COL25A1: variants seen among roughly 807,000 people sequenced by gnomAD.
COL25A1 encodes collagen alpha-1(XXV) chain.
In COL25A1, 103 loss-of-function variants were observed where a neutral mutation model predicts 128.4. The ratio of observed to expected loss-of-function variants is 0.80; its 90% CI spans 0.68 to 0.94. The LOEUF (loss-of-function observed/expected upper bound fraction) is 0.94, where lower values mean the gene tolerates loss of function less well. COL25A1 is among the 40% of genes least tolerant of loss of function. COL25A1 has a pLI of 0.00. For synonymous variants in COL25A1, 279 were observed against 277.2 expected, an observed-to-expected ratio of 1.01 and a Z score of -0.06; for missense variants, 745 against 840.0, an observed-to-expected ratio of 0.89 and a Z score of 1.40.
chr4:108,993,017 C>T (rs1355954900), intron 6 of COL25A1, among the ~76,000 whole-genome samples: 1 of 152,140 alleles, frequency 6.6e-6, no homozygotes, highest in Non-Finnish European at 1.5e-5. Context: ...CATTACCTGA[C>T]ATGGTTATCA....
chr4:109,208,745 T>A (rs1777243485), intron 3 of COL25A1, among the ~76,000 whole-genome samples: 1 of 152,154 alleles, frequency 6.6e-6, no homozygotes, highest in South Asian at 2.1e-4. Context: ...CTTTCCTATA[T>A]CTTACCAAGT....
At position 108,818,039 on chromosome 4, in the gene COL25A1, T is replaced by A. The variant is rs1731415642; in HGVS notation, c.1924-604A>T. Among the ~76,000 whole-genome samples the A allele has an allele frequency of 1.3e-5, 2 of 152,134 alleles. 1 individual carries two copies. The highest frequency in any genetic ancestry group is 1.3e-4 in the Admixed American group (2 of 15,254). Reference sequence around the variant, plus strand: ...GCATTTATCGATTTCTCTATTTAAATTATTCAAAAGTTAACAAATTCTGAA... The same window carrying A: ...GCATTTATCGATTTCTCTATTTAAAATATTCAAAAGTTAACAAATTCTGAA... On this transcript the variant is annotated intron_variant, in intron 36 of 37. Coordinates refer to ENST00000399132, the MANE Select transcript of COL25A1 (RefSeq NM_198721.4).
At chr4:109,154,911 G>A (rs1237706625) in intron 3 of COL25A1, among the ~76,000 whole-genome samples, 2 of 152,078 alleles carry the variant, frequency 1.3e-5, no homozygotes, top group African/African-American at 4.8e-5. Flanking sequence ...AGAAGGGCTT[G>A]GCAAATATAT....
chr4:108,825,204 C>G lies in COL25A1; in HGVS notation c.1783G>C (p.Gly595Arg), dbSNP rs1436628717. 1 of 1,610,814 alleles carries G rather than the reference C, an allele frequency of 6.2e-7. No individual in the cohort carries two copies. Among genetic ancestry groups the G allele is most frequent in the Non-Finnish European group, 8.5e-7 (1 of 1,177,310 alleles). Residue 595 changes from glycine to arginine, a missense_variant, in exon 34 of 38, where the codon GGT becomes CGT. Physicochemically the swap from Gly to Arg is moderately radical, Grantham distance 125. Transcript: ENST00000399132. ...TTGTACTTATTACTTACATCAAGAC[C>G]AGGCTCTCCATCTTTCCCCTGCCAA... is the stretch of plus-strand genomic sequence containing the variant. The part of the protein sequence containing the change: ...YGLPGKDGEP[G>R]LDGFPGPRGE...
intron 3 of COL25A1, among the ~76,000 whole-genome samples, chr4:109,159,815 GAAGA>G (rs1254775632): frequency 2.0e-5 from 3 of 152,138 alleles, no homozygotes; most frequent in African/African-American, 4.8e-5. Context: ...CACAGAAACA[GAAGA>G]AATATTCGTG....
At chr4:109,212,007 TC>T (rs1208798540) in intron 3 of COL25A1, among the ~76,000 whole-genome samples, 1 of 152,110 alleles carries the variant, frequency 6.6e-6, no homozygotes, top group Non-Finnish European at 1.5e-5. Context: ...AGTCTCAGTT[TC>T]CTCATCTATA....
chr4:109,208,318 C>A (rs1338442228), intron 3 of COL25A1, among the ~76,000 whole-genome samples: 1 of 152,122 alleles, frequency 6.6e-6, no homozygotes, highest in Non-Finnish European at 1.5e-5. Flanking sequence ...CATATTCTTT[C>A]CATCCACTTT....
In COL25A1 at chr4:108,852,934, A is replaced by T. The variant is rs1735965392; in HGVS notation, c.1321-9T>A. 1 of 1,608,038 alleles carries T rather than the reference A, an allele frequency of 6.2e-7. No individual in the cohort carries two copies. The highest frequency in any genetic ancestry group is 1.3e-5 in the African/African-American group (1 of 74,736). ...GTTAAGGTGGTAATCCTCTGTTGGG[A>T]AAATGTGTTGACAAAGACAGAGTTA... On this transcript the variant is annotated splice_polypyrimidine_tract_variant and intron_variant, in intron 24 of 37. Transcript: ENST00000399132.
intron 6 of COL25A1, among the ~76,000 whole-genome samples, chr4:108,984,462 C>G (rs1263069499): frequency 2.0e-5 from 3 of 152,082 alleles, no homozygotes; most frequent in African/African-American, 7.2e-5. Context: ...TGGGGAGGCT[C>G]CCGCCGCACA....
chr4:109,237,079 C>T (rs913225720), intron 3 of COL25A1, among the ~76,000 whole-genome samples: 2 of 151,924 alleles, frequency 1.3e-5, no homozygotes, highest in Non-Finnish European at 1.5e-5. Flanking sequence ...GTTGAACATG[C>T]TAAAAAGCCA....
Position 108,858,909 on chromosome 4 carries a change from C to T in COL25A1, c.1320+747G>A, listed in dbSNP as rs147936385. Among the ~76,000 whole-genome samples, 57 of 151,970 alleles carry T rather than the reference C, an allele frequency of 3.8e-4. 1 individual carries two copies. In the East Asian group the frequency reaches 7.2e-3, roughly 19 times the overall value. On this transcript the variant is annotated intron_variant, in intron 24 of 37. Coordinates refer to ENST00000399132, the MANE Select transcript of COL25A1 (RefSeq NM_198721.4). ...ATCAATATCACAAAAATGTCAGGGG[C>T]GATGAGTCCAGTGGACTTGACATAG...
chr4:109,036,980 A>T (rs183807272), intron 5 of COL25A1, among the ~76,000 whole-genome samples: 43 of 152,284 alleles, frequency 2.8e-4, no homozygotes, highest in Admixed American at 1.0e-3. Flanking sequence ...GTTGAATGAA[A>T]TTATATATCA....
rs1725557794 is a variant in COL25A1 at position 109,301,730 on chromosome 4, A to T, written c.290T>A (p.Leu97Gln). The T allele has an allele frequency of 1.2e-6, 2 of 1,612,522 alleles. No individual in the cohort carries two copies. The highest frequency in any genetic ancestry group is 1.7e-6 in the Non-Finnish European group (2 of 1,178,766). Residue 97 changes from leucine to glutamine, a missense_variant, in exon 2 of 38, where the codon CTG becomes CAG. Physicochemically the swap from Leu to Gln is moderately radical, Grantham distance 113. This residue lies in a region of COL25A1 where 319 missense variants were observed against 324.9 expected (regional missense o/e 0.98). Coordinates refer to ENST00000399132, the MANE Select transcript of COL25A1 (RefSeq NM_198721.4). ...TACCCCAGCCTCTCACACCTGAGCC[A>T]GAAGTCGCTCCACTTTCTCTTGCAC... ...TMVQEKVERL[L>Q]AQKSYEHMAK...
chr4:108,996,703 C>A (rs1253466157), intron 6 of COL25A1, among the ~76,000 whole-genome samples: 2 of 152,122 alleles, frequency 1.3e-5, no homozygotes, highest in African/African-American at 4.8e-5. Flanking sequence ...GTACTTATTC[C>A]AAAATTAACC....
At chr4:109,183,633 G>A (rs763135435) in intron 3 of COL25A1, among the ~76,000 whole-genome samples, 16 of 151,764 alleles carry the variant, frequency 1.1e-4, no homozygotes, top group Non-Finnish European at 2.1e-4. Flanking sequence ...AGATTTCTGG[G>A]GCATCTTGAA....
rs1336747223 is a variant in COL25A1, at chr4:109,141,085, CT to C, written c.368-90907del. Among the ~76,000 whole-genome samples, 66 of 152,204 alleles carry C rather than the reference CT, an allele frequency of 4.3e-4. 1 individual carries two copies. In the East Asian group the frequency reaches 7.5e-3, roughly 17 times the overall value. On this transcript the variant is annotated intron_variant, in intron 3 of 37. Transcript: ENST00000399132. ...GGCTGTGGGTTTCTCATAAATAGCTCTAATTATTTTGAGATATGTTCCATCA... is the reference window on the plus strand; with the variant it reads ...GGCTGTGGGTTTCTCATAAATAGCTCAATTATTTTGAGATATGTTCCATCA...
At chr4:109,092,120 G>A (rs1017725379) in intron 3 of COL25A1, among the ~76,000 whole-genome samples, 1 of 152,080 alleles carries the variant, frequency 6.6e-6, no homozygotes, top group Non-Finnish European at 1.5e-5. Context: ...AGCTATCTGC[G>A]ACCCAGGGAA....
chr4:109,195,003 G>A (rs907179038), intron 3 of COL25A1, among the ~76,000 whole-genome samples: 9 of 152,034 alleles, frequency 5.9e-5, no homozygotes, highest in African/African-American at 2.2e-4. Flanking sequence ...AGTGCTTGAG[G>A]GGATAGATAC....
chr4:108,815,017 T>C (rs1300376510), intron 37 of COL25A1, among the ~76,000 whole-genome samples: 1 of 152,208 alleles, frequency 6.6e-6, no homozygotes, highest in African/African-American at 2.4e-5. Context: ...TTCTTGCCTG[T>C]CATGCCAATG....
Sources: gnomAD v4.1 joint callset for allele counts (sites outside exome capture counted in the v4.1 genomes callset) on GRCh38, gnomAD v4.1.1 for gene constraint, gnomAD v4.1.1 regional missense constraint, MANE v1.5 for transcripts, NCBI Gene and HGNC (gene_info 2026-07-23, HGNC 2026-07-21) for gene names.